CTNNA2: variants seen among roughly 807,000 people sequenced by gnomAD.
CTNNA2 encodes catenin alpha 2, also known as catenin alpha-2.
A neutral mutation model predicts 101.0 loss-of-function variants in CTNNA2; 42 were observed. The observed-to-expected ratio is 0.42, with a 90% CI of 0.32 to 0.54. CTNNA2 has a LOEUF of 0.54. Among genes scored for constraint, CTNNA2 ranks in the 20% least tolerant of loss-of-function variants. The pLI is 0.14. For missense variants in CTNNA2, 871 were observed against 1,223.1 expected (o/e 0.71, Z 4.29); for synonymous variants, 450 against 456.4 (o/e 0.99, Z 0.18).
intron 2 of CTNNA2, among the ~76,000 whole-genome samples, chr2:79,295,178 G>T (rs1191674098): frequency 1.3e-5 from 2 of 152,020 alleles, no homozygotes; most frequent in Non-Finnish European, 2.9e-5. Flanking sequence ...TGCAACCATT[G>T]TCTCCTCCAG....
intron 2 of CTNNA2, among the ~76,000 whole-genome samples, chr2:79,304,794 G>A (rs1676194316): frequency 6.6e-6 from 1 of 152,108 alleles, no homozygotes; most frequent in African/African-American, 2.4e-5. Flanking sequence ...TGGTCATAAG[G>A]GAGACATGTA....
chr2:79,506,161 G>T (rs191287147), intron 5 of CTNNA2, among the ~76,000 whole-genome samples: 1 of 152,256 alleles, frequency 6.6e-6, no homozygotes, highest in East Asian at 1.9e-4. Context: ...ATGTGTGTGT[G>T]CATGTGTGCA....
chr2:79,604,533 T>C (rs1677760556), intron 1 of CTNNA2, among the ~76,000 whole-genome samples: 1 of 152,148 alleles, frequency 6.6e-6, no homozygotes, highest in Admixed American at 6.6e-5. Context: ...GACAGAATAC[T>C]GAAGAGGAGA....
intron 9 of CTNNA2, among the ~76,000 whole-genome samples, chr2:80,482,495 G>A (rs1382280856): frequency 2.0e-5 from 3 of 152,134 alleles, no homozygotes; most frequent in Middle Eastern, 3.2e-3. Flanking sequence ...TAATGTGAAA[G>A]CAACTATAGA....
chr2:80,638,304 C>T (rs1350385415), intron 18 of CTNNA2, among the ~76,000 whole-genome samples: 1 of 141,942 alleles, frequency 7.0e-6, no homozygotes, highest in African/African-American at 2.7e-5. Context: ...GACTGTCTGC[C>T]CAAGAATATT....
At chr2:79,955,524 G>A (rs980199725) in intron 7 of CTNNA2, among the ~76,000 whole-genome samples, 1 of 152,146 alleles carries the variant, frequency 6.6e-6, no homozygotes, top group Admixed American at 6.5e-5. Context: ...CAGGATTTCA[G>A]TTGTTTGCAG....
intron 2 of CTNNA2, among the ~76,000 whole-genome samples, chr2:79,689,407 A>G (rs1233067445): frequency 2.0e-5 from 3 of 152,006 alleles, no homozygotes; most frequent in Non-Finnish European, 4.4e-5. Flanking sequence ...ATCAGACATC[A>G]CAAGGACTGA....
At chr2:79,703,134 A>G (rs1196584607) in intron 2 of CTNNA2, among the ~76,000 whole-genome samples, 1 of 152,228 alleles carries the variant, frequency 6.6e-6, no homozygotes, top group Non-Finnish European at 1.5e-5. Context: ...CTAGGGGACA[A>G]TTAGTCTTTC....
At chr2:80,240,767 A>T (rs1319467917) in intron 7 of CTNNA2, among the ~76,000 whole-genome samples, 1 of 152,212 alleles carries the variant, frequency 6.6e-6, no homozygotes, top group Admixed American at 6.5e-5. Flanking sequence ...TGTGGAGCCA[A>T]GGTTCAACCT....
At chr2:80,159,082 T>C (rs1251854415) in intron 7 of CTNNA2, among the ~76,000 whole-genome samples, 1 of 152,200 alleles carries the variant, frequency 6.6e-6, no homozygotes, top group East Asian at 1.9e-4. Context: ...CTATTATGAG[T>C]AAAGCCACGA....
intron 7 of CTNNA2, among the ~76,000 whole-genome samples, chr2:80,126,736 C>T (rs1418566228): frequency 6.6e-6 from 1 of 151,428 alleles, no homozygotes; most frequent in Non-Finnish European, 1.5e-5. Context: ...TCATGGCCTA[C>T]CCTTCTTTTC....
At chr2:80,496,022 T>TA (rs1687439371) in intron 9 of CTNNA2, among the ~76,000 whole-genome samples, 1 of 114,738 alleles carries the variant, frequency 8.7e-6, no homozygotes. Flanking sequence ...ATAATGAAAA[T>TA]AGAGATTAGA....
chr2:79,358,491 C>T (rs548524310), intron 3 of CTNNA2, among the ~76,000 whole-genome samples: 9 of 152,218 alleles, frequency 5.9e-5, no homozygotes, highest in South Asian at 2.1e-4. Flanking sequence ...TGAGCCACTG[C>T]GCCTGGCCAA....
At chr2:80,086,610 A>G (rs1699451647) in intron 7 of CTNNA2, among the ~76,000 whole-genome samples, 1 of 151,936 alleles carries the variant, frequency 6.6e-6, no homozygotes, top group African/African-American at 2.4e-5. Context: ...TCACCTTAGG[A>G]CCCCGGGCAA....
intron 7 of CTNNA2, chr2:80,030,652 A>C (rs1695229794): frequency 6.6e-6 from 1 of 152,222 alleles, no homozygotes; most frequent in Non-Finnish European, 1.5e-5. Context: ...GAAATCAAAA[A>C]AATGAAGATG....
intron 7 of CTNNA2, among the ~76,000 whole-genome samples, chr2:79,991,880 T>A (rs967416428): frequency 2.6e-5 from 4 of 152,162 alleles, no homozygotes; most frequent in Admixed American, 2.6e-4. Flanking sequence ...TGCCAATTCT[T>A]TGTGTAATTA....
At chr2:79,976,825 T>C (rs1690881613) in intron 7 of CTNNA2, among the ~76,000 whole-genome samples, 1 of 152,196 alleles carries the variant, frequency 6.6e-6, no homozygotes, top group Non-Finnish European at 1.5e-5. Context: ...GCCACGATAA[T>C]GCAGAGAACA....
intron 3 of CTNNA2, among the ~76,000 whole-genome samples, chr2:79,759,620 C>T (rs2105076895): frequency 6.6e-6 from 1 of 152,246 alleles, no homozygotes; most frequent in Admixed American, 6.5e-5. Flanking sequence ...CATCCCCTTT[C>T]TTGTTTCTCT....
rs572491035 is a variant in CTNNA2, at chr2:80,592,715, A to G, written c.2189+3230A>G. 3.1e-3 allele frequency among the ~76,000 whole-genome samples: 316 copies of G among 103,322 alleles called. 3 individuals carry two copies. The highest frequency in any genetic ancestry group is 3.2e-3 in the East Asian group (9 of 2,856). 67.8% of individuals were successfully genotyped at this position (103,322 alleles called of 152,430 possible). On this transcript the variant is annotated intron_variant, in intron 15 of 18. Coordinates refer to ENST00000402739, the MANE Select transcript of CTNNA2 (RefSeq NM_001282597.3). ...TTTGCAAATACCCTTTTTATGTGCT[A>G]TATCTCATTGGAGAGTCACATTTGG...
Sources: allele counts gnomAD v4.1 joint callset (sites outside exome capture counted in the v4.1 genomes callset), GRCh38; gene constraint gnomAD v4.1.1; transcripts MANE v1.5; gene names NCBI Gene and HGNC (gene_info 2026-07-23, HGNC 2026-07-21).